The following GLIS3 variants were observed in gnomAD, a reference collection of about 807,000 sequenced individuals.
GLIS3 encodes the protein zinc finger protein GLIS3.
GLIS3 carries 53 observed loss-of-function variants against 78.6 expected under a neutral mutation model. The observed-to-expected ratio is 0.67, with a 90% CI of 0.54 to 0.85. The LOEUF (loss-of-function observed/expected upper bound fraction) is 0.85. GLIS3 is among the 40% of genes least tolerant of loss of function. GLIS3 has a pLI of 0.00. For synonymous variants in GLIS3, 684 were observed against 509.9 expected, an observed-to-expected ratio of 1.34 and a Z score of -4.60; for missense variants, 1,703 against 1,231.1, an observed-to-expected ratio of 1.38 and a Z score of -5.74.
At chr9:4,188,521 A>C (rs1470819399) in intron 2 of GLIS3, among the ~76,000 whole-genome samples, 1 of 151,454 alleles carries the variant, frequency 6.6e-6, no homozygotes, top group Non-Finnish European at 1.5e-5. Flanking sequence ...AAAATGAGTC[A>C]GGGAGGATTC....
At chr9:4,406,209 G>A in the GLIS3 span, among the ~76,000 whole-genome samples, 1 of 152,078 alleles carries the variant, frequency 6.6e-6, no homozygotes, top group Non-Finnish European at 1.5e-5. Context: ...ACGTAGTACT[G>A]GAAGTCCTAG....
chr9:4,452,828 G>C, the GLIS3 span, among the ~76,000 whole-genome samples: 1 of 151,214 alleles, frequency 6.6e-6, no homozygotes, highest in Non-Finnish European at 1.5e-5. Flanking sequence ...ATTTCATATG[G>C]AACCAAAAAA....
At chr9:4,024,039 A>AC (rs1242745199) in intron 4 of GLIS3, among the ~76,000 whole-genome samples, 2 of 151,986 alleles carry the variant, frequency 1.3e-5, no homozygotes, top group Non-Finnish European at 2.9e-5. Context: ...AAAAAACAAA[A>AC]AAAAAAATAC....
chr9:4,453,152 A>G, the GLIS3 span, among the ~76,000 whole-genome samples: 1 of 152,176 alleles, frequency 6.6e-6, no homozygotes, highest in East Asian at 1.9e-4. Context: ...ACCTTATACA[A>G]AAATTCATTC....
chr9:4,282,143 A>G (rs1827617270), intron 2 of GLIS3, among the ~76,000 whole-genome samples: 1 of 152,196 alleles, frequency 6.6e-6, no homozygotes. Flanking sequence ...CTCCGTACAC[A>G]GCTCTACGCT....
chr9:4,257,860 A>G lies in GLIS3; in HGVS notation c.388+28178T>C, dbSNP rs1188568489. Among the ~76,000 whole-genome samples, 5 of 152,128 alleles carry G rather than the reference A, an allele frequency of 3.3e-5. No homozygotes were observed. The East Asian group carries it at 9.6e-4, about 29-fold the overall frequency. ...AGTGCTGGGATTACAGGTGTGAGCC[A>G]TTGCGCCCGGCCAACATGTATATGT... On this transcript the variant is annotated intron_variant, in intron 2 of 10. Transcript: ENST00000381971.
chr9:4,262,888 G>C (rs1022769501), intron 2 of GLIS3, among the ~76,000 whole-genome samples: 2 of 137,228 alleles, frequency 1.5e-5, no homozygotes, highest in African/African-American at 5.6e-5. Context: ...TAAGCCCGTA[G>C]TTCACATGGT....
chr9:4,316,477 A>G (rs1213441863), intron 2 of GLIS3, among the ~76,000 whole-genome samples: 1 of 152,236 alleles, frequency 6.6e-6, no homozygotes, highest in Admixed American at 6.5e-5. Flanking sequence ...TTTTGTGATA[A>G]CATTGATGAG....
At chr9:4,242,514 G>A (rs1296044648) in intron 2 of GLIS3, among the ~76,000 whole-genome samples, 1 of 152,136 alleles carries the variant, frequency 6.6e-6, no homozygotes, top group Non-Finnish European at 1.5e-5. Context: ...TACCTGCTGG[G>A]CATGACCAAT....
intron 4 of GLIS3, among the ~76,000 whole-genome samples, chr9:3,987,008 G>A (rs1563921756): frequency 6.6e-6 from 1 of 152,166 alleles, no homozygotes; most frequent in Non-Finnish European, 1.5e-5. Context: ...AGATGAATTA[G>A]ATCTTGAAAT....
chr9:4,079,751 A>G (rs947311100), intron 4 of GLIS3, among the ~76,000 whole-genome samples: 4 of 151,792 alleles, frequency 2.6e-5, no homozygotes, highest in Non-Finnish European at 5.9e-5. Flanking sequence ...TGTGAAAAAA[A>G]AAAAAAAAGA....
chr9:4,245,735 G>C (rs961323602), intron 2 of GLIS3, among the ~76,000 whole-genome samples: 2 of 151,996 alleles, frequency 1.3e-5, no homozygotes, highest in Non-Finnish European at 2.9e-5. Flanking sequence ...TTATATACAG[G>C]TATATAAATA....
rs1454607471 is a variant in GLIS3 at position 4,125,887 on chromosome 9, T to G, written c.443A>C (p.Asn148Thr). ...CKSIGKGSCN[N>T]LVVTSSPMMV... ...CATGGGACTGCTGGTGACCACTAGA[T>G]TGTTGCAGCTGCCTTTTCCAATGGA... is the stretch of plus-strand genomic sequence containing the variant. Residue 148 changes from asparagine (N) to threonine (T), a missense_variant, in exon 3 of 11, where the codon AAT becomes ACT. By Grantham distance (65) the Asn-to-Thr change is moderately conservative. Coordinates refer to ENST00000381971, the MANE Select transcript of GLIS3 (RefSeq NM_001042413.2). 1 of 1,613,968 alleles carries G rather than the reference T, an allele frequency of 6.2e-7. No homozygotes were observed. The highest frequency in any genetic ancestry group is 2.2e-5 in the East Asian group (1 of 44,862).
chr9:4,280,319 C>T (rs571809878), intron 2 of GLIS3, among the ~76,000 whole-genome samples: 2 of 152,186 alleles, frequency 1.3e-5, no homozygotes, highest in Non-Finnish European at 2.9e-5. Flanking sequence ...CACATGCCAG[C>T]CTGGGCTGTA....
In GLIS3 at chr9:4,163,007, CT is replaced by C. The variant is rs1835616301; in HGVS notation, c.389-37067del. 2.0e-5 allele frequency among the ~76,000 whole-genome samples: 3 copies of C among 152,306 alleles called. No homozygotes were observed. In the South Asian group the frequency reaches 6.2e-4, roughly 32 times the overall value. The stretch of plus-strand genomic sequence containing the variant: ...CCCTAAGTAGGGTACTTTCTACCCT[CT>C]CATCATCCACATGAGGATGGAGAGG... On this transcript the variant is annotated intron_variant, in intron 2 of 10. Coordinates refer to ENST00000381971, the MANE Select transcript of GLIS3 (RefSeq NM_001042413.2).
chr9:4,406,975 A>G, the GLIS3 span, among the ~76,000 whole-genome samples: 1 of 152,218 alleles, frequency 6.6e-6, no homozygotes. Context: ...CAAAAGACCC[A>G]GAATAGCCAA....
intron 2 of GLIS3, among the ~76,000 whole-genome samples, chr9:4,191,947 G>C (rs1014125105): frequency 6.6e-6 from 1 of 152,040 alleles, no homozygotes; most frequent in Non-Finnish European, 1.5e-5. Flanking sequence ...GTTAAAGGAG[G>C]TTGGAAGTGA....
rs567016166 is a variant in GLIS3 at position 3,985,471 on chromosome 9, T to C, written c.1711-48282A>G. ...CCCCAGTCAAAATTAAATACAAGTG[T>C]CCTGTCAGAATGAAACTTCTACAGT... On this transcript the variant is annotated intron_variant, in intron 4 of 10. Coordinates refer to ENST00000381971, the MANE Select transcript of GLIS3 (RefSeq NM_001042413.2). 3.9e-5 allele frequency among the ~76,000 whole-genome samples: 6 copies of C among 152,302 alleles called. No homozygotes were observed. In the South Asian group the frequency reaches 1.0e-3, roughly 26 times the overall value.
In GLIS3 at chr9:4,211,226, G is replaced by A. The variant is rs114979594; in HGVS notation, c.388+74812C>T. ...TGAACTTGTGCCCTAATCTTTATAT[G>A]CATTTCCATGGACTCCATTTGTTTA... is the stretch of plus-strand genomic sequence containing the variant. On this transcript the variant is annotated intron_variant, in intron 2 of 10. Transcript: ENST00000381971. Among the ~76,000 whole-genome samples, 189 of 152,262 alleles carry A rather than the reference G, an allele frequency of 1.2e-3. 1 individual carries two copies. Among genetic ancestry groups the A allele is most frequent in the South Asian group, 9.8e-3 (47 of 4,818 alleles).
Sources: allele counts gnomAD v4.1 joint callset (sites outside exome capture counted in the v4.1 genomes callset), GRCh38; gene constraint gnomAD v4.1.1; transcripts MANE v1.5; gene names NCBI Gene and HGNC (gene_info 2026-07-23, HGNC 2026-07-21).